Variants in PCDH15 observed in about 807,000 individuals in gnomAD.
The protein encoded by PCDH15 is protocadherin related 15, also known as protocadherin-15.
A neutral mutation model predicts 178.5 loss-of-function variants in PCDH15; 129 were observed. The ratio of observed to expected loss-of-function variants is 0.72; its 90% confidence interval spans 0.63 to 0.84. The LOEUF (loss-of-function observed/expected upper bound fraction) is 0.84. Ranked by LOEUF, PCDH15 falls within the 40% of genes least tolerant of loss-of-function variation. The pLI, the probability that PCDH15 is intolerant of heterozygous loss-of-function variation, is 0.00. For synonymous variants in PCDH15, 800 were observed against 732.0 expected, an observed-to-expected ratio of 1.09 and a Z score of -1.50; for missense variants, 2,230 against 2,099.9, an observed-to-expected ratio of 1.06 and a Z score of -1.21.
chr10:55,421,898 C>T (rs760265117), intron 2 of PCDH15, among the ~76,000 whole-genome samples: 6 of 151,498 alleles, frequency 4.0e-5, no homozygotes, highest in African/African-American at 9.7e-5. Flanking sequence ...CAGTTGACAA[C>T]AAGATAAAAA....
chr10:54,019,334 A>G (rs1344375210), intron 20 of PCDH15, among the ~76,000 whole-genome samples: 4 of 152,094 alleles, frequency 2.6e-5, no homozygotes, highest in Non-Finnish European at 5.9e-5. Context: ...GGATTTTTGT[A>G]TATGTATCTT....
intron 1 of PCDH15, among the ~76,000 whole-genome samples, chr10:54,774,253 C>T (rs1374139322): frequency 6.6e-6 from 1 of 151,864 alleles, no homozygotes; most frequent in South Asian, 2.1e-4. Context: ...TGGTCTCGAT[C>T]TCCTGACCTC....
intron 1 of PCDH15, among the ~76,000 whole-genome samples, chr10:55,238,982 C>T (rs1720471674): frequency 6.6e-6 from 1 of 152,082 alleles, no homozygotes; most frequent in East Asian, 1.9e-4. Context: ...TTAACCATTT[C>T]TACTTTATTC....
At chr10:55,257,473 G>GA (rs34241293) in intron 1 of PCDH15, among the ~76,000 whole-genome samples, 2 of 151,746 alleles carry the variant, frequency 1.3e-5, no homozygotes, top group Non-Finnish European at 2.9e-5. Flanking sequence ...TAAAAACCTT[G>GA]AAAAAAAATT....
chr10:54,721,764 A>T (rs1489658241), intron 1 of PCDH15, among the ~76,000 whole-genome samples: 2 of 151,898 alleles, frequency 1.3e-5, no homozygotes, highest in Non-Finnish European at 2.9e-5. Flanking sequence ...GAACAGAAAG[A>T]TTCAAAGCCA....
At chr10:55,331,756 G>T (rs1588921745) in intron 2 of PCDH15, among the ~76,000 whole-genome samples, 2 of 152,068 alleles carry the variant, frequency 1.3e-5, no homozygotes, top group African/African-American at 4.8e-5. Context: ...AACCTCTTAA[G>T]AAACATCTTG....
intron 2 of PCDH15, among the ~76,000 whole-genome samples, chr10:55,423,648 G>T (rs1729119112): frequency 1.3e-5 from 2 of 151,972 alleles, no homozygotes; most frequent in Admixed American, 6.6e-5. Context: ...CCCATTCAAG[G>T]CTGGAAGCCT....
intron 20 of PCDH15, among the ~76,000 whole-genome samples, chr10:54,001,650 G>T (rs976078010): frequency 3.3e-5 from 5 of 151,898 alleles, no homozygotes; most frequent in African/African-American, 1.2e-4. Flanking sequence ...AGGAAGGAAA[G>T]AAAGAAAGAA....
chr10:54,932,784 G>T (rs182756232), intron 2 of PCDH15, among the ~76,000 whole-genome samples: 16 of 152,074 alleles, frequency 1.1e-4, no homozygotes, highest in Non-Finnish European at 7.4e-5. Flanking sequence ...TGATCCACCC[G>T]CCTCGGCCTC....
intron 27 of PCDH15, among the ~76,000 whole-genome samples, chr10:53,857,689 G>A (rs1454711205): frequency 1.3e-5 from 2 of 151,954 alleles, no homozygotes; most frequent in African/African-American, 2.4e-5. Context: ...TGACTGGTTA[G>A]AATAATTCAT....
intron 3 of PCDH15, among the ~76,000 whole-genome samples, chr10:54,493,116 T>A (rs2079763205): frequency 6.6e-6 from 1 of 152,100 alleles, no homozygotes; most frequent in African/African-American, 2.4e-5. Flanking sequence ...ACTGGGTCCC[T>A]CCCTCAATAC....
chr10:54,418,807 T>C (rs12772842), intron 3 of PCDH15, among the ~76,000 whole-genome samples: 1 of 151,940 alleles, frequency 6.6e-6, no homozygotes, highest in Non-Finnish European at 1.5e-5. Context: ...GTAAGTCTTA[T>C]AGGTAAAAAT....
chr10:54,413,390 C>T (rs941497076), intron 3 of PCDH15, among the ~76,000 whole-genome samples: 3 of 152,134 alleles, frequency 2.0e-5, no homozygotes, highest in Non-Finnish European at 4.4e-5. Context: ...CCTGGGGTCA[C>T]TTCCTGCATC....
At chr10:54,670,154 A>G (rs1466006004) in intron 1 of PCDH15, among the ~76,000 whole-genome samples, 1 of 152,186 alleles carries the variant, frequency 6.6e-6, no homozygotes, top group Non-Finnish European at 1.5e-5. Context: ...ATTGATGAAA[A>G]TCATTTTTAA....
At chr10:54,719,013 A>G (rs1196902915) in intron 1 of PCDH15, among the ~76,000 whole-genome samples, 2 of 152,064 alleles carry the variant, frequency 1.3e-5, no homozygotes, top group Non-Finnish European at 2.9e-5. Context: ...TTCTTTACCA[A>G]TGAATCTAAA....
intron 2 of PCDH15, among the ~76,000 whole-genome samples, chr10:55,576,122 C>T (rs1008134784): frequency 1.3e-5 from 2 of 151,986 alleles, no homozygotes; most frequent in African/African-American, 2.4e-5. Context: ...CTTTTGACTC[C>T]CCCGAAATTT....
At chr10:54,065,077 GC>G (rs2094112122) in intron 18 of PCDH15, among the ~76,000 whole-genome samples, 1 of 152,178 alleles carries the variant, frequency 6.6e-6, no homozygotes, top group Non-Finnish European at 1.5e-5. Flanking sequence ...CTGACTCAGT[GC>G]CCTTCTATCA....
At chr10:54,539,211 T>C (rs1426614750) in intron 2 of PCDH15, among the ~76,000 whole-genome samples, 1 of 152,194 alleles carries the variant, frequency 6.6e-6, no homozygotes, top group East Asian at 1.9e-4. Flanking sequence ...GTAACACCCA[T>C]TCATCTGGTA....
chr10:54,334,926 C>T (rs1408010858), intron 6 of PCDH15, among the ~76,000 whole-genome samples: 1 of 152,006 alleles, frequency 6.6e-6, no homozygotes, highest in Non-Finnish European at 1.5e-5. Context: ...TGGGTTTCCC[C>T]CATTTGTTCA....
Sources: allele counts gnomAD v4.1 joint callset (sites outside exome capture counted in the v4.1 genomes callset), GRCh38; gene constraint gnomAD v4.1.1; transcripts MANE v1.5; gene names NCBI Gene and HGNC (gene_info 2026-07-23, HGNC 2026-07-21).